Variants in ESR1 observed in about 807,000 individuals in gnomAD.
ESR1 encodes the protein estrogen receptor.
ESR1 carries 12 observed loss-of-function variants against 52.7 expected under a neutral mutation model. The observed-to-expected ratio is 0.23, with a 90% CI of 0.15 to 0.37. The LOEUF is 0.37. Ranked by LOEUF, ESR1 falls within the 10% of genes least tolerant of loss-of-function variation. The pLI is 1.00. For synonymous variants in ESR1, 305 were observed against 316.8 expected, an observed-to-expected ratio of 0.96 and a Z score of 0.39; for missense variants, 584 against 779.7, an observed-to-expected ratio of 0.75 and a Z score of 2.99.
chr6:151,824,931 AG>A (rs200033158), intron 1 of ESR1, among the ~76,000 whole-genome samples: 1 of 150,754 alleles, frequency 6.6e-6, no homozygotes, highest in Non-Finnish European at 1.5e-5. Flanking sequence ...AAAAAAAAAA[AG>A]AAAAAAAAGA....
intron 2 of ESR1, among the ~76,000 whole-genome samples, chr6:151,734,667 G>C (rs1391400749): frequency 6.6e-6 from 1 of 151,958 alleles, no homozygotes; most frequent in Non-Finnish European, 1.5e-5. Context: ...CTGTCACCCA[G>C]GCTGGAGTGC....
intron 1 of ESR1, among the ~76,000 whole-genome samples, chr6:151,657,972 A>G (rs1189296109): frequency 6.6e-6 from 1 of 152,202 alleles, no homozygotes; most frequent in Non-Finnish European, 1.5e-5. Context: ...AAAACCATCT[A>G]AGTGCATCCC....
At chr6:151,677,814 A>C (rs1004710357) in intron 1 of ESR1, among the ~76,000 whole-genome samples, 25 of 152,200 alleles carry the variant, frequency 1.6e-4, no homozygotes, top group Admixed American at 1.1e-3. Flanking sequence ...TTGCAAAGGG[A>C]GGAGGGTTTG....
chr6:152,112,385 C>T (rs1015110539), intron 6 of ESR1, among the ~76,000 whole-genome samples: 40 of 152,220 alleles, frequency 2.6e-4, no homozygotes, highest in African/African-American at 8.9e-4. Flanking sequence ...CAAGTGTCCC[C>T]GACTAGTGAG....
chr6:151,669,913 G>T (rs188341780), intron 1 of ESR1, among the ~76,000 whole-genome samples: 1 of 152,232 alleles, frequency 6.6e-6, no homozygotes, highest in African/African-American at 2.4e-5. Flanking sequence ...GGGAAGAAAT[G>T]GAAGACACGG....
At chr6:151,855,560 T>C (rs1787678606) in intron 2 of ESR1, among the ~76,000 whole-genome samples, 1 of 152,200 alleles carries the variant, frequency 6.6e-6, no homozygotes, top group Admixed American at 6.5e-5. Context: ...ATGTAACAGA[T>C]ATGTATTGAA....
intron 4 of ESR1, among the ~76,000 whole-genome samples, chr6:151,962,609 C>A (rs564671609): frequency 6.6e-6 from 1 of 152,320 alleles, no homozygotes; most frequent in Non-Finnish European, 1.5e-5. Context: ...CCAAACCAAC[C>A]AAACAAACAA....
At chr6:151,915,416 TC>T (rs2029873231) in intron 3 of ESR1, among the ~76,000 whole-genome samples, 1 of 152,196 alleles carries the variant, frequency 6.6e-6, no homozygotes, top group African/African-American at 2.4e-5. Flanking sequence ...CAGGAGCATT[TC>T]CCCCTTATTT....
At chr6:151,720,673 A>T (rs2128017467) in intron 2 of ESR1, among the ~76,000 whole-genome samples, 1 of 152,310 alleles carries the variant, frequency 6.6e-6, no homozygotes, top group East Asian at 1.9e-4. Context: ...ATTCTTTGGG[A>T]TACACTTGGA....
intron 1 of ESR1, among the ~76,000 whole-genome samples, chr6:151,668,884 T>TG (rs931950432): frequency 1.3e-5 from 2 of 151,898 alleles, no homozygotes; most frequent in African/African-American, 4.8e-5. Flanking sequence ...ACTTAGAGAT[T>TG]GGGGGTGCCA....
At chr6:151,744,194 G>A (rs995729102) in intron 2 of ESR1, among the ~76,000 whole-genome samples, 1 of 152,114 alleles carries the variant, frequency 6.6e-6, no homozygotes, top group African/African-American at 2.4e-5. Context: ...TATGTGCAAA[G>A]TTTCTGTATG....
At chr6:151,707,184 T>G (rs1178448931) in intron 2 of ESR1, among the ~76,000 whole-genome samples, 1 of 152,194 alleles carries the variant, frequency 6.6e-6, no homozygotes, top group Non-Finnish European at 1.5e-5. Flanking sequence ...GATTATTACA[T>G]TTTTGCATAT....
At chr6:151,931,404 A>G (rs988863055) in intron 3 of ESR1, among the ~76,000 whole-genome samples, 44 of 151,740 alleles carry the variant, frequency 2.9e-4, no homozygotes, top group African/African-American at 9.9e-4. Flanking sequence ...TGCTTATATT[A>G]CCCATCTTTT....
At chr6:152,072,007 A>AT (rs2048387681) in intron 6 of ESR1, among the ~76,000 whole-genome samples, 1 of 152,246 alleles carries the variant, frequency 6.6e-6, no homozygotes, top group Non-Finnish European at 1.5e-5. Flanking sequence ...GTATGAAAGC[A>AT]TTCACATGAA....
intron 5 of ESR1, among the ~76,000 whole-genome samples, chr6:152,049,304 C>G (rs1201781110): frequency 6.6e-6 from 1 of 152,164 alleles, no homozygotes; most frequent in East Asian, 1.9e-4. Context: ...GAAAAGAGGA[C>G]ATGTTAAGGC....
intron 3 of ESR1, among the ~76,000 whole-genome samples, chr6:151,924,321 A>T (rs1247211219): frequency 6.6e-6 from 1 of 152,170 alleles, no homozygotes; most frequent in Admixed American, 6.6e-5. Context: ...GATTACAGAC[A>T]TAAGCCACGG....
chr6:151,734,134 T>A (rs1016413139), intron 2 of ESR1, among the ~76,000 whole-genome samples: 2 of 152,120 alleles, frequency 1.3e-5, no homozygotes, highest in Non-Finnish European at 2.9e-5. Flanking sequence ...GAAGGGTTGG[T>A]TTGGTGCATG....
chr6:152,118,663 T>C (rs920576957), intron 6 of ESR1, among the ~76,000 whole-genome samples: 4 of 152,002 alleles, frequency 2.6e-5, no homozygotes, highest in African/African-American at 9.7e-5. Flanking sequence ...ACCTAATGCA[T>C]GCAGGGCTTA....
intron 4 of ESR1, among the ~76,000 whole-genome samples, chr6:151,965,017 A>T (rs1401292759): frequency 6.6e-6 from 1 of 152,190 alleles, no homozygotes; most frequent in African/African-American, 2.4e-5. Flanking sequence ...ATGTATTAAG[A>T]GGCAAAAGCT....
Sources: gnomAD v4.1 joint callset for allele counts (sites outside exome capture counted in the v4.1 genomes callset) on GRCh38, gnomAD v4.1.1 for gene constraint, MANE v1.5 for transcripts, NCBI Gene and HGNC (gene_info 2026-07-23, HGNC 2026-07-21) for gene names.